The following PTPRJ variants were observed in gnomAD, a reference collection of about 807,000 sequenced individuals.
PTPRJ encodes receptor-type tyrosine-protein phosphatase eta.
In PTPRJ, 129 loss-of-function variants were observed where a neutral mutation model predicts 141.3. The ratio of observed to expected loss-of-function variants is 0.91; its 90% CI spans 0.79 to 1.06. The LOEUF (loss-of-function observed/expected upper bound fraction) is 1.06, where lower values mean the gene tolerates loss of function less well. Among genes scored for constraint, PTPRJ ranks in the 50% least tolerant of loss-of-function variants. The probability of loss-of-function intolerance (pLI) is 0.00; values close to 1 mark genes in which losing one functional copy is unlikely to be tolerated. For synonymous variants in PTPRJ, 610 were observed against 640.5 expected (o/e 0.95, Z 0.72); for missense variants, 1,601 against 1,679.7 (o/e 0.95, Z 0.82).
intron 1 of PTPRJ, among the ~76,000 whole-genome samples, chr11:48,095,297 T>A (rs1334973243): frequency 6.6e-6 from 1 of 152,236 alleles, no homozygotes; most frequent in Non-Finnish European, 1.5e-5. Flanking sequence ...TGGACTGGAC[T>A]TATGAGACTT....
intron 1 of PTPRJ, among the ~76,000 whole-genome samples, chr11:48,015,294 G>A (rs925061993): frequency 2.0e-5 from 3 of 151,910 alleles, no homozygotes; most frequent in Non-Finnish European, 4.4e-5. Context: ...TATGGGCACC[G>A]AGAAGCGTGT....
At chr11:48,130,294 C>T (rs889602425) in intron 7 of PTPRJ, among the ~76,000 whole-genome samples, 165 bp from the exon 8 acceptor site, 6 of 152,072 alleles carry the variant, frequency 3.9e-5, no homozygotes, top group African/African-American at 1.4e-4. Context: ...TGGCCAGAAA[C>T]AGCAGTTTCT....
intron 1 of PTPRJ, among the ~76,000 whole-genome samples, chr11:48,040,511 G>A (rs747425854): frequency 2.6e-5 from 4 of 151,900 alleles, no homozygotes; most frequent in Admixed American, 6.6e-5. Context: ...CCATTCCACC[G>A]TCAAAAATTA....
At chr11:48,019,945 G>T (rs576719123) in intron 1 of PTPRJ, among the ~76,000 whole-genome samples, 1 of 152,284 alleles carries the variant, frequency 6.6e-6, no homozygotes, top group East Asian at 1.9e-4. Flanking sequence ...TAAAGGAAAA[G>T]GAACTGTGTA....
intron 9 of PTPRJ, 62 bp from the exon 10 acceptor site, chr11:48,136,941 A>G: frequency 6.9e-7 from 1 of 1,445,470 alleles, no homozygotes; most frequent in South Asian, 1.3e-5. Context: ...GATATAGTAA[A>G]TAGTCCTGGA....
At chr11:48,147,512 C>T (rs1307877656) in intron 15 of PTPRJ, among the ~76,000 whole-genome samples, 3 of 152,186 alleles carry the variant, frequency 2.0e-5, no homozygotes, top group Admixed American at 6.5e-5. Flanking sequence ...GAGTGCTCAC[C>T]GTGTGCCTGC....
intron 1 of PTPRJ, among the ~76,000 whole-genome samples, chr11:48,088,971 T>C (rs1430601324): frequency 6.6e-6 from 1 of 152,226 alleles, no homozygotes; most frequent in African/African-American, 2.4e-5. Context: ...TCATCATCTA[T>C]TATTTATTCA....
intron 5 of PTPRJ, among the ~76,000 whole-genome samples, chr11:48,124,194 C>T (rs11039530): frequency 0.44 from 66,329 of 152,104 alleles, 17,443 homozygotes; most frequent in Non-Finnish European, 0.56. Flanking sequence ...GAACTTATCA[C>T]GTCTGCTGGT....
chr11:48,091,327 G>A (rs12295345), intron 1 of PTPRJ, among the ~76,000 whole-genome samples: 1,616 of 152,286 alleles, frequency 0.011, 25 homozygotes, highest in African/African-American at 0.036. Context: ...CCTGGCCTAG[G>A]GGAAGAGCTC....
intron 1 of PTPRJ, 127 bp downstream of exon 1, chr11:47,981,135 C>A (rs1426916932): frequency 2.0e-6 from 2 of 1,004,964 alleles, no homozygotes; most frequent in South Asian, 4.9e-5. Flanking sequence ...TCCCCGGATC[C>A]CCGGAAGGCG....
At chr11:48,141,239 G>A (rs1250639522) in intron 11 of PTPRJ, among the ~76,000 whole-genome samples, 2 of 152,094 alleles carry the variant, frequency 1.3e-5, no homozygotes, top group Non-Finnish European at 2.9e-5. Context: ...ATGAATTTAG[G>A]TAGAGAGAGA....
Position 48,136,145 on chromosome 11 carries a change from CAT to C in PTPRJ, c.1724_1725del (p.Ile575ArgfsTer7). 1.2e-6 allele frequency: 2 copies of C among 1,614,212 alleles called. No homozygotes were observed. The highest frequency in any genetic ancestry group is 1.7e-6 in the Non-Finnish European group (2 of 1,180,036). Reference sequence around the variant, plus strand: ...CTTCCGAGTATGTCTACCATTTAGTCATAGAGTCCAAGCATGGCTCTAACCAC... The same window carrying C: ...CTTCCGAGTATGTCTACCATTTAGTCAGAGTCCAAGCATGGCTCTAACCAC... ...GASEYVYHLV[I>X]ESKHGSNHTS... On this transcript the variant is annotated frameshift_variant, in exon 9 of 25. Coordinates refer to ENST00000418331, the MANE Select transcript of PTPRJ (RefSeq NM_002843.4). LOFTEE classifies it high-confidence loss of function.
intron 1 of PTPRJ, among the ~76,000 whole-genome samples, chr11:48,086,405 C>G (rs1855711384): frequency 6.6e-6 from 1 of 152,244 alleles, no homozygotes; most frequent in Non-Finnish European, 1.5e-5. Flanking sequence ...CTCCTGGCCT[C>G]AGGTGATCCA....
At chr11:48,016,821 T>C (rs1361018116) in intron 1 of PTPRJ, among the ~76,000 whole-genome samples, 1 of 152,134 alleles carries the variant, frequency 6.6e-6, no homozygotes, top group Non-Finnish European at 1.5e-5. Context: ...GAACACTGCC[T>C]CCTATAATAG....
At chr11:48,090,514 G>T (rs34304393) in intron 1 of PTPRJ, among the ~76,000 whole-genome samples, 1 of 152,236 alleles carries the variant, frequency 6.6e-6, no homozygotes, top group African/African-American at 2.4e-5. Context: ...AGACAGATCC[G>T]TGCAGCAGGA....
rs1234226851 is a variant in PTPRJ, at chr11:48,159,963, G to T, written c.3472G>T (p.Ala1158Ser). The change falls in exon 22 of 25, where the codon GCT becomes TCT. Residue 1158 changes from alanine to serine, a missense_variant. Ala to Ser is a moderately conservative substitution (Grantham distance 99). Coordinates refer to ENST00000418331, the MANE Select transcript of PTPRJ (RefSeq NM_002843.4). ...KCEEYWPSKQ[A>S]QDYGDITVAM... ...TGAGGAGTATTGGCCCTCCAAGCAG[G>T]CTCAGGACTATGGAGACATAACTGT... 17 of 1,613,798 alleles carry T rather than the reference G, an allele frequency of 1.1e-5. No individual in the cohort carries two copies. The South Asian group carries it at 1.3e-4, about 13-fold the overall frequency.
At chr11:48,069,387 C>T (rs1855173548) in intron 1 of PTPRJ, among the ~76,000 whole-genome samples, 1 of 151,566 alleles carries the variant, frequency 6.6e-6, no homozygotes, top group African/African-American at 2.4e-5. Context: ...GCATGAGGCA[C>T]TGCACCTGGC....
chr11:48,005,132 G>T (rs1221069203), intron 1 of PTPRJ, among the ~76,000 whole-genome samples: 1 of 151,844 alleles, frequency 6.6e-6, no homozygotes, highest in African/African-American at 2.4e-5. Flanking sequence ...TGAGGCTGGA[G>T]AATCACTTGA....
rs562273670 is a variant in PTPRJ at position 48,026,745 on chromosome 11, G to A, written c.96+45737G>A. On this transcript the variant is annotated intron_variant, in intron 1 of 24. Coordinates refer to ENST00000418331, the MANE Select transcript of PTPRJ (RefSeq NM_002843.4). ...TTACAGGTGTGAGCCACCGTGCCTG[G>A]CCATGAGTAGGTTCTTTAGTGGTGA... Among the ~76,000 whole-genome samples the A allele has an allele frequency of 2.6e-5, 4 of 152,094 alleles. No individual in the cohort carries two copies. The South Asian group carries it at 8.3e-4, about 32-fold the overall frequency.
Sources: gnomAD v4.1 joint callset for allele counts (sites outside exome capture counted in the v4.1 genomes callset) on GRCh38, gnomAD v4.1.1 for gene constraint, MANE v1.5 for transcripts, NCBI Gene and HGNC (gene_info 2026-07-23, HGNC 2026-07-21) for gene names.